The following ZNF679 variants were observed in gnomAD, a reference collection of about 807,000 sequenced individuals.
ZNF679 encodes the protein hypothetical protein MGC42415.
A neutral mutation model predicts 13.4 loss-of-function variants in ZNF679; 10 were observed. The observed-to-expected ratio is 0.75, with a 90% CI of 0.46 to 1.27. ZNF679 has a LOEUF of 1.27. ZNF679 is among the 50% of genes most tolerant of loss of function. The pLI is 0.00. For missense variants in ZNF679, 525 were observed against 477.8 expected (o/e 1.10, Z -0.92); for synonymous variants, 179 against 162.5 (o/e 1.10, Z -0.77).
intron 2 of ZNF679, among the ~76,000 whole-genome samples, chr7:64,259,181 G>A (rs1788043397): frequency 6.6e-6 from 1 of 152,176 alleles, no homozygotes; most frequent in South Asian, 2.1e-4. Flanking sequence ...CAAAGTGCTG[G>A]GATTACAGGC....
intron 4 of ZNF679, among the ~76,000 whole-genome samples, chr7:64,263,504 C>T (rs73132071): frequency 0.066 from 9,996 of 152,234 alleles, 375 homozygotes; most frequent in Admixed American, 0.096. Context: ...CTCCAAATCT[C>T]ATGTTGAAAT....
intron 2 of ZNF679, among the ~76,000 whole-genome samples, chr7:64,249,968 A>G (rs1478075121): frequency 6.6e-6 from 1 of 152,092 alleles, no homozygotes; most frequent in African/African-American, 2.4e-5. Flanking sequence ...CAGGCTCCCA[A>G]GTAGCTGGGA....
At chr7:64,239,450 A>G (rs1197843180) in intron 1 of ZNF679, among the ~76,000 whole-genome samples, 2 of 152,146 alleles carry the variant, frequency 1.3e-5, no homozygotes, top group Non-Finnish European at 2.9e-5. Context: ...CTGCAGATGT[A>G]ACTGTGACAT....
chr7:64,264,301 C>T (rs1251422638), intron 4 of ZNF679, among the ~76,000 whole-genome samples: 1 of 151,626 alleles, frequency 6.6e-6, no homozygotes, highest in Non-Finnish European at 1.5e-5. Context: ...CTCATTATAT[C>T]TACCCTATAC....
At chr7:64,246,174 G>A (rs1787866769) in intron 1 of ZNF679, among the ~76,000 whole-genome samples, 1 of 152,140 alleles carries the variant, frequency 6.6e-6, no homozygotes, top group African/African-American at 2.4e-5. Context: ...AAGTGTTCTT[G>A]CCTTTTATTA....
At chr7:64,240,552 C>T (rs903427351) in intron 1 of ZNF679, among the ~76,000 whole-genome samples, 2 of 152,222 alleles carry the variant, frequency 1.3e-5, no homozygotes, top group Non-Finnish European at 1.5e-5. Flanking sequence ...GACATTGTGA[C>T]TGTCATATGC....
intron 1 of ZNF679, among the ~76,000 whole-genome samples, chr7:64,232,465 C>A (rs1200815378): frequency 6.6e-6 from 1 of 152,184 alleles, no homozygotes; most frequent in Non-Finnish European, 1.5e-5. Context: ...TATCATCATG[C>A]CTGTGAGCTG....
rs147030916 is a variant in ZNF679, at chr7:64,248,035, T to C, written c.-90-993T>C. On this transcript the variant is annotated intron_variant, in intron 1 of 4. Coordinates refer to ENST00000421025, the MANE Select transcript of ZNF679 (RefSeq NM_153363.3). ...GACTGCGTACTTTTTTTTTAAGTGG[T>C]TTAATTGAATCATAATTCTACATGG... 2.2e-3 allele frequency among the ~76,000 whole-genome samples: 335 copies of C among 152,078 alleles called. 4 individuals are homozygous for C. Among genetic ancestry groups the C allele is most frequent in the East Asian group, 0.014 (73 of 5,170 alleles).
intron 1 of ZNF679, among the ~76,000 whole-genome samples, chr7:64,239,005 C>A (rs1032336207): frequency 6.6e-6 from 1 of 152,036 alleles, no homozygotes; most frequent in Non-Finnish European, 1.5e-5. Context: ...ATTATGTCAC[C>A]CATGCATATC....
rs1788053332 is a variant in ZNF679 at position 64,259,983 on chromosome 7, T to A, written c.40-238T>A. Among the ~76,000 whole-genome samples, 10 of 152,152 alleles carry A rather than the reference T, an allele frequency of 6.6e-5. No individual in the cohort carries two copies. The South Asian group carries it at 2.1e-3, about 32-fold the overall frequency. On this transcript the variant is annotated intron_variant, in intron 2 of 4. Transcript: ENST00000421025. ...AAAAAAATAGACATGTGCATATTGA[T>A]GCCCTTAATTTAATAATTTATCATC...
At chr7:64,232,520 G>A (rs1329940772) in intron 1 of ZNF679, among the ~76,000 whole-genome samples, 1 of 152,182 alleles carries the variant, frequency 6.6e-6, no homozygotes. Context: ...GAACCAGGTA[G>A]GTGAGTCACG....
intron 4 of ZNF679, among the ~76,000 whole-genome samples, chr7:64,264,660 A>AT (rs1325131230): frequency 6.6e-6 from 1 of 151,620 alleles, no homozygotes; most frequent in Admixed American, 6.6e-5. Flanking sequence ...CACCATGAAG[A>AT]TTTTTTTTCA....
At chr7:64,260,117 T>G in intron 2 of ZNF679, 104 bp from the exon 3 acceptor site, 1 of 1,044,254 alleles carries the variant, frequency 9.6e-7, no homozygotes, top group Non-Finnish European at 1.4e-6. Context: ...GAAACACTTC[T>G]TTTTACTCTC....
intron 1 of ZNF679, among the ~76,000 whole-genome samples, chr7:64,248,016 G>A (rs76028721): frequency 1.2e-3 from 183 of 152,058 alleles, no homozygotes; most frequent in Non-Finnish European, 2.0e-3. Context: ...CTCAGACTGC[G>A]TACTTTTTTT....
At chr7:64,256,306 T>C (rs922835040) in intron 2 of ZNF679, among the ~76,000 whole-genome samples, 2 of 152,210 alleles carry the variant, frequency 1.3e-5, no homozygotes, top group Non-Finnish European at 2.9e-5. Context: ...ATTTTCTTTA[T>C]CCAATCTACC....
intron 1 of ZNF679, among the ~76,000 whole-genome samples, chr7:64,242,923 T>C (rs758532103): frequency 3.9e-5 from 6 of 152,186 alleles, no homozygotes; most frequent in Non-Finnish European, 8.8e-5. Flanking sequence ...CTGACCTTTG[T>C]CCAGATCCAC....
chr7:64,230,148 A>G (rs540763148), intron 1 of ZNF679, among the ~76,000 whole-genome samples: 1 of 152,336 alleles, frequency 6.6e-6, no homozygotes, highest in African/African-American at 2.4e-5. Flanking sequence ...AAAATATACT[A>G]TGATTTCCCC....
chr7:64,238,810 T>C (rs1787758546), intron 1 of ZNF679, among the ~76,000 whole-genome samples: 1 of 152,236 alleles, frequency 6.6e-6, no homozygotes, highest in Middle Eastern at 3.4e-3. Flanking sequence ...AAAACCCTCC[T>C]CCCATCTTGA....
intron 1 of ZNF679, among the ~76,000 whole-genome samples, chr7:64,246,387 T>G (rs145474662): frequency 6.2e-4 from 95 of 152,156 alleles, no homozygotes; most frequent in East Asian, 3.1e-3. Flanking sequence ...CCAGAAATGG[T>G]CCCAATCCAG....
Sources: allele counts gnomAD v4.1 joint callset (sites outside exome capture counted in the v4.1 genomes callset), GRCh38; gene constraint gnomAD v4.1.1; transcripts MANE v1.5; gene names NCBI Gene and HGNC (gene_info 2026-07-23, HGNC 2026-07-21).